The following PTPRN2 variants were observed in gnomAD, a reference collection of about 807,000 sequenced individuals.
The protein encoded by PTPRN2 is protein tyrosine phosphatase receptor type N2.
PTPRN2 carries 74 observed loss-of-function variants against 118.8 expected under a neutral mutation model. The observed-to-expected ratio is 0.62, with a 90% CI of 0.52 to 0.76. PTPRN2 has a LOEUF of 0.76. Among genes scored for constraint, PTPRN2 ranks in the 30% least tolerant of loss-of-function variants. The pLI, the probability that PTPRN2 is intolerant of heterozygous loss-of-function variation, is 0.00. For missense variants in PTPRN2, 1,481 were observed against 1,394.4 expected (o/e 1.06, Z -0.99); for synonymous variants, 641 against 608.0 (o/e 1.05, Z -0.80).
At chr7:157,752,745 G>C (rs954194667) in intron 12 of PTPRN2, among the ~76,000 whole-genome samples, 1 of 152,162 alleles carries the variant, frequency 6.6e-6, no homozygotes, top group African/African-American at 2.4e-5. Flanking sequence ...TCATCTTTTA[G>C]AACAGAGGAC....
chr7:157,780,190 G>A lies in PTPRN2; in HGVS notation c.1789-97253C>T, dbSNP rs960992301. ...CTATTAAAGAATTAGCCTCTGGGCCGTGTGTCCTCCTGGTCTACCTCCAGC... is the reference window on the plus strand; with the variant it reads ...CTATTAAAGAATTAGCCTCTGGGCCATGTGTCCTCCTGGTCTACCTCCAGC... On this transcript the variant is annotated intron_variant, in intron 12 of 22. Transcript: ENST00000389418. This position sits in a 1 kb window ranked among gnomAD's most constrained non-coding sequence, Gnocchi z 4.5. 6.6e-5 allele frequency among the ~76,000 whole-genome samples: 10 copies of A among 152,126 alleles called. No individual in the cohort carries two copies. The highest frequency in any genetic ancestry group is 2.6e-4 in the Admixed American group (4 of 15,276).
chr7:158,205,412 T>G (rs772721827), intron 3 of PTPRN2, 139 bp from the exon 4 acceptor site: 3 of 635,172 alleles, frequency 4.7e-6, no homozygotes, highest in Non-Finnish European at 8.4e-6. Flanking sequence ...TCACTGCAGT[T>G]TATCAAGATC....
intron 14 of PTPRN2, among the ~76,000 whole-genome samples, chr7:157,631,116 T>C (rs961377320): frequency 2.6e-5 from 4 of 152,168 alleles, no homozygotes; most frequent in African/African-American, 9.7e-5. Flanking sequence ...CCTTGAAAAC[T>C]GTTCTCCCTG....
chr7:158,165,358 G>A (rs747093893), intron 6 of PTPRN2, among the ~76,000 whole-genome samples: 39 of 152,196 alleles, frequency 2.6e-4, no homozygotes, highest in Admixed American at 3.3e-4. Context: ...GGCAGCTCCC[G>A]TAGCAAACAG....
At chr7:157,866,449 C>T (rs745897241) in intron 12 of PTPRN2, among the ~76,000 whole-genome samples, 1 of 152,046 alleles carries the variant, frequency 6.6e-6, no homozygotes, top group South Asian at 2.1e-4. Context: ...TGTACACACA[C>T]GAACATGCAC....
At chr7:158,295,880 C>T (rs1292834570) in intron 3 of PTPRN2, among the ~76,000 whole-genome samples, 2 of 152,284 alleles carry the variant, frequency 1.3e-5, no homozygotes, top group African/African-American at 4.8e-5. Context: ...CAGTTGTGCA[C>T]TAGCAGCTGA....
At chr7:158,317,182 C>T (rs1021424942) in intron 2 of PTPRN2, among the ~76,000 whole-genome samples, 3 of 152,206 alleles carry the variant, frequency 2.0e-5, no homozygotes, top group African/African-American at 7.2e-5. Context: ...AATGTTGTCA[C>T]TCCACTTTCC....
intron 13 of PTPRN2, among the ~76,000 whole-genome samples, chr7:157,678,643 C>T (rs773908080): frequency 6.6e-5 from 10 of 152,222 alleles, no homozygotes; most frequent in South Asian, 4.1e-4. Flanking sequence ...GCGACCGAGA[C>T]GTGCACTTAG....
Position 157,595,293 on chromosome 7 carries a change from G to C in PTPRN2, c.2441C>G (p.Pro814Arg). Residue 814 changes from proline to arginine, a missense_variant, in exon 17 of 23, where the codon CCC (proline) becomes CGC (arginine). Physicochemically the swap from Pro to Arg is moderately radical, Grantham distance 103. This residue lies in a region of PTPRN2 where 362 missense variants were observed against 384.1 expected (regional missense o/e 0.94). Transcript: ENST00000389418. ...SPIMDHDPRN[P>R]AYIATQGPLP... is the part of the protein sequence containing the mutation. ...CGGTCCCTGGGTGGCGATGTACGCG[G>C]GGTTCCTCGGGTCGTGATCCATCTG... 6.2e-7 allele frequency: 1 copy of C among 1,614,240 alleles called. No homozygotes were observed. Among genetic ancestry groups the C allele is most frequent in the Non-Finnish European group, 8.5e-7 (1 of 1,180,050 alleles).
intron 5 of PTPRN2, 93 bp downstream of exon 5, chr7:158,192,234 C>G: frequency 1.5e-6 from 2 of 1,314,412 alleles, no homozygotes; most frequent in Admixed American, 4.0e-5. Flanking sequence ...AGGCGCAAAG[C>G]CAAGAGGAGC....
At chr7:157,994,069 G>T (rs1477936980) in intron 11 of PTPRN2, among the ~76,000 whole-genome samples, 1 of 152,108 alleles carries the variant, frequency 6.6e-6, no homozygotes, top group East Asian at 1.9e-4. Context: ...AGTGTGTTGG[G>T]TGTTGCTTTG....
intron 2 of PTPRN2, among the ~76,000 whole-genome samples, chr7:158,357,603 G>A (rs10228394): frequency 0.074 from 11,334 of 152,312 alleles, 1,067 homozygotes; most frequent in African/African-American, 0.22. Context: ...CGTCAGCTGC[G>A]GGTGCTAAGA....
intron 12 of PTPRN2, among the ~76,000 whole-genome samples, chr7:157,802,699 T>C (rs1240670156): frequency 6.6e-6 from 1 of 152,190 alleles, no homozygotes; most frequent in Non-Finnish European, 1.5e-5. Flanking sequence ...ACCAACAGCA[T>C]GTAAGTGTTC....
rs190147639 is a variant in PTPRN2, at chr7:158,523,360, G to A, written c.113-33575C>T. ...GACAGCGAGTCTGCCCTGAAGTGGAGTCTGCCCTGGAGTGGAGTCGTCTGC... is the reference window on the plus strand; with the variant it reads ...GACAGCGAGTCTGCCCTGAAGTGGAATCTGCCCTGGAGTGGAGTCGTCTGC... On this transcript the variant is annotated intron_variant, in intron 1 of 22. Transcript: ENST00000389418. Among the ~76,000 whole-genome samples the A allele has an allele frequency of 5.7e-5, 7 of 122,966 alleles. No homozygotes were observed. In the East Asian group the frequency reaches 9.6e-4, roughly 17 times the overall value. 80.7% of individuals were successfully genotyped at this position (122,966 alleles called of 152,430 possible). A position where few individuals can be genotyped will look rare whatever the true frequency, so the allele number is the denominator to read the frequency against.
At chr7:157,677,603 C>T (rs1408456228) in intron 13 of PTPRN2, among the ~76,000 whole-genome samples, 1 of 152,164 alleles carries the variant, frequency 6.6e-6, no homozygotes, top group Non-Finnish European at 1.5e-5. Context: ...CGTTCAGACT[C>T]ATGGTGAAAA....
At chr7:157,747,822 C>T (rs1396729547) in intron 12 of PTPRN2, among the ~76,000 whole-genome samples, 7 of 120,590 alleles carry the variant, frequency 5.8e-5, no homozygotes, top group African/African-American at 1.7e-4. Flanking sequence ...CTGAGGCCTG[C>T]GTCCCTGAGC....
At chr7:157,956,049 C>A (rs1456290387) in intron 11 of PTPRN2, among the ~76,000 whole-genome samples, 1 of 152,210 alleles carries the variant, frequency 6.6e-6, no homozygotes, top group African/African-American at 2.4e-5. Flanking sequence ...TCGTGTGCTG[C>A]TGAAACTAGG....
At chr7:157,579,836 G>C (rs765844789) in intron 17 of PTPRN2, among the ~76,000 whole-genome samples, 5 of 152,196 alleles carry the variant, frequency 3.3e-5, no homozygotes, top group Non-Finnish European at 5.9e-5. Flanking sequence ...CAAATAGGCA[G>C]CCCAATTGGG....
intron 12 of PTPRN2, among the ~76,000 whole-genome samples, chr7:157,809,748 A>C (rs995699091): frequency 6.6e-6 from 1 of 151,962 alleles, no homozygotes; most frequent in Non-Finnish European, 1.5e-5. Context: ...CCCTGACAAC[A>C]CCTGGATCTC....
Sources: allele counts gnomAD v4.1 joint callset (sites outside exome capture counted in the v4.1 genomes callset), GRCh38; gene constraint gnomAD v4.1.1; regional missense constraint gnomAD v4.1.1; non-coding constraint Gnocchi (gnomAD v3.1); transcripts MANE v1.5; gene names NCBI Gene and HGNC (gene_info 2026-07-23, HGNC 2026-07-21).